NOP58: variants seen among roughly 807,000 people sequenced by gnomAD.
NOP58 encodes NOP58 ribonucleoprotein.
Under a neutral mutation model 71.2 loss-of-function variants are expected in NOP58, and 44 were observed. The observed-to-expected ratio is 0.62, with a 90% CI of 0.49 to 0.79. NOP58 has a LOEUF of 0.79. Among genes scored for constraint, NOP58 ranks in the 30% least tolerant of loss-of-function variants. The probability of loss-of-function intolerance (pLI) is 0.00; values close to 1 mark genes in which losing one functional copy is unlikely to be tolerated. For missense variants in NOP58, 538 were observed against 620.2 expected (o/e 0.87, Z 1.41); for synonymous variants, 228 against 200.3 (o/e 1.14, Z -1.17).
rs1334557216 is a variant in NOP58 at position 202,278,001 on chromosome 2, A to G, written c.174A>G (p.Ala58=). The change falls in exon 3 of 15, where the codon GCA becomes GCG. Residue 58 remains alanine (A), a splice_region_variant and synonymous_variant. Coordinates refer to ENST00000264279, the MANE Select transcript of NOP58 (RefSeq NM_015934.5). ...TTCAGGATACAGCAGAAGCATTAGC[A>G]GGTAAAGTAAAAAATTAGAAGCTTG... ...EKFQDTAEAL[A]AFTALMEGKI... The G allele has an allele frequency of 1.9e-6, 3 of 1,544,004 alleles. No individual in the cohort carries two copies. The highest frequency in any genetic ancestry group is 4.5e-5 in the East Asian group (2 of 44,572).
Position 202,282,951 on chromosome 2 carries a change from CTATAATA to C in NOP58, c.297+480_297+486del, listed in dbSNP as rs1423715836. 2.0e-5 allele frequency among the ~76,000 whole-genome samples: 3 copies of C among 152,138 alleles called. No individual in the cohort carries two copies. The East Asian group carries it at 5.8e-4, about 29-fold the overall frequency. ...TCGGGCGGGGCGCGGTGGCTCACAC[CTATAATA>C]ATCCCAGCATTTTGGGAGGCCAAGG... On this transcript the variant is annotated intron_variant, in intron 4 of 14. Transcript: ENST00000264279.
At position 202,265,899 on chromosome 2, in the gene NOP58, A is replaced by G. The variant is rs1440407425; in HGVS notation, c.-43A>G. ...TAGTCGGTGTTTTTGAACTGACTCT[A>G]CAGCTTCTGGCAGGCCGTGCGGCGC... On this transcript the variant is annotated 5_prime_UTR_variant, in exon 1 of 15. Transcript: ENST00000264279. 1.2e-6 allele frequency: 2 copies of G among 1,613,700 alleles called. No individual in the cohort carries two copies. Among genetic ancestry groups the G allele is most frequent in the Admixed American group, 1.7e-5 (1 of 60,014 alleles).
intron 2 of NOP58, chr2:202,276,504 T>C (rs1366755981): frequency 3.9e-6 from 2 of 514,728 alleles, no homozygotes; most frequent in Non-Finnish European, 7.8e-6. Flanking sequence ...TCACTACCAC[T>C]GAGACAACGA....
chr2:202,301,012 T>C (rs1211808142), intron 13 of NOP58, among the ~76,000 whole-genome samples: 1 of 152,212 alleles, frequency 6.6e-6, no homozygotes, highest in Non-Finnish European at 1.5e-5. Flanking sequence ...GTATACTTGA[T>C]AGAGAAAACA....
intron 10 of NOP58, among the ~76,000 whole-genome samples, chr2:202,297,028 C>T (rs888968535): frequency 2.0e-5 from 3 of 152,156 alleles, no homozygotes; most frequent in Non-Finnish European, 2.9e-5. Context: ...CCACCGCGCT[C>T]GGCCAGAACC....
chr2:202,296,679 T>C (rs771390915), intron 10 of NOP58, among the ~76,000 whole-genome samples: 4 of 152,014 alleles, frequency 2.6e-5, no homozygotes, highest in Non-Finnish European at 5.9e-5. Flanking sequence ...TTCAATAAAA[T>C]AAAATGTTAA....
At chr2:202,272,384 G>C (rs1262658164) in intron 1 of NOP58, among the ~76,000 whole-genome samples, 1 of 152,000 alleles carries the variant, frequency 6.6e-6, no homozygotes, top group African/African-American at 2.4e-5. Flanking sequence ...TCGATCTCCT[G>C]ACCTCGTGAT....
At chr2:202,268,060 G>C (rs550677367) in intron 1 of NOP58, among the ~76,000 whole-genome samples, 40 of 152,226 alleles carry the variant, frequency 2.6e-4, no homozygotes, top group African/African-American at 9.1e-4. Flanking sequence ...ACTAGTGATG[G>C]CTGCACATTT....
intron 4 of NOP58, 42 bp from the exon 5 acceptor site, chr2:202,284,303 C>T: frequency 5.0e-6 from 6 of 1,191,162 alleles, no homozygotes; most frequent in Non-Finnish European, 6.8e-6. Flanking sequence ...TCAGGAAAGT[C>T]TTTTTTTTTT....
chr2:202,278,588 T>C (rs1291121745), intron 3 of NOP58, among the ~76,000 whole-genome samples: 3 of 152,192 alleles, frequency 2.0e-5, no homozygotes, highest in Non-Finnish European at 2.9e-5. Flanking sequence ...TGATCGGGTT[T>C]ATTTACTGTA....
intron 1 of NOP58, among the ~76,000 whole-genome samples, chr2:202,267,060 A>G (rs907258052): frequency 2.0e-5 from 3 of 152,092 alleles, no homozygotes; most frequent in Admixed American, 2.0e-4. Context: ...TCAGCACTGA[A>G]ATGGTTGAAT....
chr2:202,282,513 C>A, intron 4 of NOP58, 41 bp downstream of exon 4: 1 of 1,575,514 alleles, frequency 6.3e-7, no homozygotes, highest in Non-Finnish European at 8.6e-7. Flanking sequence ...CTAGTCAGAT[C>A]TCACAGCATA....
chr2:202,303,592 A>T lies in NOP58; in HGVS notation c.*156A>T, dbSNP rs1689129232. 3 of 881,262 alleles carry T rather than the reference A, an allele frequency of 3.4e-6. No homozygotes were observed. The highest frequency in any genetic ancestry group is 3.2e-6 in the Non-Finnish European group (2 of 615,778). 54.6% of individuals were successfully genotyped at this position (881,262 alleles called of 1,614,324 possible). On this transcript the variant is annotated 3_prime_UTR_variant, in exon 15 of 15. Coordinates refer to ENST00000264279, the MANE Select transcript of NOP58 (RefSeq NM_015934.5). ...TTCAAACCTATTTGTCTTGACATCA[A>T]CTCTGTTAACCTTATGTCATCATTT...
In NOP58 at chr2:202,284,406, G is replaced by A. The variant is rs755969953; in HGVS notation, c.359G>A (p.Arg120His). ...PVVNELMRGI[R>H]SQMDGLIPGV... is the part of the protein sequence containing the mutation. ...GTTAATGAACTTATGAGAGGAATTC[G>A]TTCACAAATGGATGGATTAATCCCT... The change falls in exon 5 of 15, where the codon CGT (arginine) becomes CAT (histidine). Residue 120 changes from arginine to histidine, a missense_variant. Physicochemically the swap from Arg to His is conservative, Grantham distance 29. Transcript: ENST00000264279. 1.9e-6 allele frequency: 3 copies of A among 1,613,496 alleles called. No individual in the cohort carries two copies. The highest frequency in any genetic ancestry group is 2.5e-6 in the Non-Finnish European group (3 of 1,179,602).
intron 6 of NOP58, among the ~76,000 whole-genome samples, chr2:202,289,137 AAG>A (rs1491185123): frequency 1.3e-5 from 2 of 152,280 alleles, no homozygotes; most frequent in East Asian, 3.9e-4. Context: ...AGAAAAAAAA[AAG>A]CGCTCAACCA....
At chr2:202,295,524 T>G in intron 9 of NOP58, 150 bp from the exon 10 acceptor site, 1 of 575,786 alleles carries the variant, frequency 1.7e-6, no homozygotes, top group Non-Finnish European at 2.8e-6. Context: ...AACATCAAGA[T>G]TTTTAGGGAA....
Position 202,278,009 on chromosome 2 carries a change from TA to T in NOP58, c.175+13del. ...ACAGCAGAAGCATTAGCAGGTAAAG[TA>T]AAAAATTAGAAGCTTGCTTTTTTGA... is the stretch of plus-strand genomic sequence containing the variant. On this transcript the variant is annotated splice_region_variant and intron_variant, in intron 3 of 14. Transcript: ENST00000264279. 1.3e-6 allele frequency: 2 copies of T among 1,533,710 alleles called. No individual in the cohort carries two copies. The highest frequency in any genetic ancestry group is 1.8e-6 in the Non-Finnish European group (2 of 1,114,960).
chr2:202,267,746 T>G (rs981247217), intron 1 of NOP58, among the ~76,000 whole-genome samples: 12 of 152,160 alleles, frequency 7.9e-5, no homozygotes, highest in Admixed American at 3.9e-4. Flanking sequence ...TAGGAAGGAA[T>G]TGGCTTATCA....
intron 13 of NOP58, among the ~76,000 whole-genome samples, chr2:202,302,669 G>C (rs1689114498): frequency 6.6e-6 from 1 of 152,172 alleles, no homozygotes; most frequent in African/African-American, 2.4e-5. Context: ...TTGGAGATCA[G>C]ATGACCTTTG....
Sources: gnomAD v4.1 joint callset for allele counts (sites outside exome capture counted in the v4.1 genomes callset) on GRCh38, gnomAD v4.1.1 for gene constraint, MANE v1.5 for transcripts, NCBI Gene and HGNC (gene_info 2026-07-23, HGNC 2026-07-21) for gene names.